Variants in PLOD1 observed in about 807,000 individuals in gnomAD.
The protein encoded by PLOD1 is procollagen-lysine,2-oxoglutarate 5-dioxygenase 1.
A neutral mutation model predicts 94.7 loss-of-function variants in PLOD1; 70 were observed. The observed-to-expected ratio is 0.74, with a 90% CI of 0.61 to 0.90. The LOEUF (loss-of-function observed/expected upper bound fraction) is 0.90. PLOD1 is among the 40% of genes least tolerant of loss of function. PLOD1 has a pLI of 0.00. For synonymous variants in PLOD1, 417 were observed against 400.2 expected, an observed-to-expected ratio of 1.04 and a Z score of -0.50; for missense variants, 905 against 972.7, an observed-to-expected ratio of 0.93 and a Z score of 0.93.
intron 6 of PLOD1, among the ~76,000 whole-genome samples, chr1:11,956,110 T>C (rs1200190804): frequency 6.6e-6 from 1 of 150,406 alleles, no homozygotes; most frequent in African/African-American, 2.4e-5. Flanking sequence ...AACATGGGTA[T>C]TGGGGGCCAG....
intron 1 of PLOD1, among the ~76,000 whole-genome samples, chr1:11,938,429 C>G (rs984479825): frequency 2.0e-5 from 3 of 152,054 alleles, no homozygotes; most frequent in African/African-American, 4.8e-5. Flanking sequence ...GGTGCTGTTG[C>G]CTGGAAATGC....
chr1:11,961,191 C>T (rs1402858881), intron 10 of PLOD1, among the ~76,000 whole-genome samples: 2 of 151,774 alleles, frequency 1.3e-5, no homozygotes, highest in African/African-American at 2.4e-5. Context: ...CAAGAGCAGC[C>T]TGGGCAACAT....
At chr1:11,966,374 A>G in intron 15 of PLOD1, 58 bp downstream of exon 15, 4 of 1,293,674 alleles carry the variant, frequency 3.1e-6, no homozygotes, top group Non-Finnish European at 2.2e-6. Context: ...GGCAGGGCAC[A>G]GAAGGGAAAC....
At position 11,974,785 on chromosome 1, in the gene PLOD1, G is replaced by A. The variant is rs781689639; in HGVS notation, c.2161G>A (p.Ala721Thr). The A allele has an allele frequency of 2.5e-6, 4 of 1,614,098 alleles. No homozygotes were observed. The highest frequency in any genetic ancestry group is 1.3e-5 in the African/African-American group (1 of 75,020). The change falls in exon 19 of 19, where the codon GCA becomes ACA. Residue 721 changes from alanine (A) to threonine (T), a missense_variant. Coordinates refer to ENST00000196061, the MANE Select transcript of PLOD1 (RefSeq NM_000302.4). ...LPTTRGTRYI[A>T]VSFVDP ...CACCACCAGGGGCACCCGCTACATC[G>A]CAGTCTCCTTCGTCGATCCCTAATT...
Position 11,957,960 on chromosome 1 carries a change from G to T in PLOD1, c.843+17G>T, listed in dbSNP as rs201244598. 1 of 1,543,542 alleles carries T rather than the reference G, an allele frequency of 6.5e-7. No individual in the cohort carries two copies. The highest frequency in any genetic ancestry group is 1.1e-5 in the South Asian group (1 of 89,648). The stretch of plus-strand genomic sequence containing the variant: ...GGCATTGGGGTGAGGCTGCGCCCAG[G>T]CCTGTGCCTGAGGGACACGGGGGGC... On this transcript the variant is annotated intron_variant, in intron 8 of 18. Transcript: ENST00000196061. This position sits in a 1 kb window ranked among gnomAD's most constrained non-coding sequence, Gnocchi z 4.1.
chr1:11,954,310 C>CA (rs754503001), intron 5 of PLOD1: 9,656 of 160,360 alleles, frequency 0.06, 237 homozygotes, highest in East Asian at 0.082. Context: ...CCATCTCTAG[C>CA]AAAAAAAAAA....
In PLOD1 at chr1:11,946,979, C is replaced by T. The variant is rs1645659416; in HGVS notation, c.77-997C>T. On this transcript the variant is annotated intron_variant, in intron 1 of 18. Coordinates refer to ENST00000196061, the MANE Select transcript of PLOD1 (RefSeq NM_000302.4). ...GAAGTGCAAGGCTCTTTTAAACAAC[C>T]AGCTCTCTGCTGGGCACGGTGGCTC... Among the ~76,000 whole-genome samples, 3 of 152,108 alleles carry T rather than the reference C, an allele frequency of 2.0e-5. No individual in the cohort carries two copies. In the South Asian group the frequency reaches 6.2e-4, roughly 32 times the overall value.
intron 4 of PLOD1, among the ~76,000 whole-genome samples, chr1:11,951,621 T>TTA (rs904579124): frequency 2.7e-5 from 4 of 146,220 alleles, no homozygotes; most frequent in Admixed American, 6.9e-5. Context: ...ATATAATAAT[T>TTA]TATATAATAT....
At chr1:11,939,633 A>G (rs1486197383) in intron 1 of PLOD1, among the ~76,000 whole-genome samples, 1 of 151,750 alleles carries the variant, frequency 6.6e-6, no homozygotes, top group Admixed American at 6.6e-5. Context: ...TTTTTTTGAG[A>G]TGGAGTCTCG....
At position 11,958,994 on chromosome 1, in the gene PLOD1, C is replaced by T. The variant is rs139198942; in HGVS notation, c.975+347C>T. Among the ~76,000 whole-genome samples, 181 of 152,198 alleles carry T rather than the reference C, an allele frequency of 1.2e-3. 1 individual carries two copies. The highest frequency in any genetic ancestry group is 3.9e-3 in the African/African-American group (162 of 41,508). On this transcript the variant is annotated intron_variant, in intron 9 of 18. Coordinates refer to ENST00000196061, the MANE Select transcript of PLOD1 (RefSeq NM_000302.4). The surrounding 1 kb of genome is among the most constrained non-coding windows in gnomAD (Gnocchi z 4.3). ...CCCAGGTGGGCAGATTATCTGAGGT[C>T]GGGAGTTCGAGACTAGCCTGACCAA...
At chr1:11,965,678 A>G in intron 14 of PLOD1, 85 bp downstream of exon 14, 2 of 856,726 alleles carry the variant, frequency 2.3e-6, no homozygotes, top group Non-Finnish European at 2.0e-6. Context: ...TCAGAGTCTT[A>G]CAACAGCCAG....
chr1:11,954,715 C>T (rs549270385), intron 5 of PLOD1, 115 bp from the exon 6 acceptor site: 16 of 839,126 alleles, frequency 1.9e-5, no homozygotes, highest in African/African-American at 1.0e-4. Context: ...GTGGCAGAGT[C>T]GGTGTGGGGA....
rs368557643 is a variant in PLOD1 at position 11,952,773 on chromosome 1, G to A, written c.579+38G>A. The A allele has an allele frequency of 5.6e-6, 8 of 1,426,060 alleles. 1 individual carries two copies. Among genetic ancestry groups the A allele is most frequent in the South Asian group, 2.3e-5 (2 of 87,172 alleles). 88.3% of individuals were successfully genotyped at this position (1,426,060 alleles called of 1,614,324 possible). ...GGGCGGGCCAAGGAGAGGGGGCTGG[G>A]GATCCACCGGCCAGGCTGCACGGGA... On this transcript the variant is annotated intron_variant, in intron 5 of 18. Coordinates refer to ENST00000196061, the MANE Select transcript of PLOD1 (RefSeq NM_000302.4).
Position 11,935,596 on chromosome 1 carries a change from C to A in PLOD1, c.76+741C>A, listed in dbSNP as rs550738568. ...GAACGCAGTATGCGATCTCGGCTTA[C>A]TGCAACCTCTGCCTCCCAGGTAAAA... is the stretch of plus-strand genomic sequence containing the variant. On this transcript the variant is annotated intron_variant, in intron 1 of 18. Coordinates refer to ENST00000196061, the MANE Select transcript of PLOD1 (RefSeq NM_000302.4). 4.0e-5 allele frequency among the ~76,000 whole-genome samples: 6 copies of A among 150,316 alleles called. 1 individual carries two copies. The highest frequency in any genetic ancestry group is 1.5e-4 in the African/African-American group (6 of 41,002).
chr1:11,954,565 T>G, intron 5 of PLOD1: 47 of 706,006 alleles, frequency 6.7e-5, no homozygotes, highest in Non-Finnish European at 8.6e-5. Context: ...ACGGCCGTCA[T>G]TGTTGTAGGT....
In PLOD1 at chr1:11,951,302, A is replaced by C. The variant is rs562000875; in HGVS notation, c.466+782A>C. ...AATCCAAGGCCAGGCGCGGTGGCTC[A>C]CGCCTGTAATGTCAGCACTTTGGGA... is the stretch of plus-strand genomic sequence containing the variant. On this transcript the variant is annotated intron_variant, in intron 4 of 18. Transcript: ENST00000196061. 3.0e-3 allele frequency among the ~76,000 whole-genome samples: 454 copies of C among 152,038 alleles called. 1 individual carries two copies. Among genetic ancestry groups the C allele is most frequent in the African/African-American group, 0.01 (434 of 41,510 alleles).
intron 17 of PLOD1, chr1:11,971,414 G>T (rs890175543): frequency 2.2e-4 from 40 of 180,100 alleles, no homozygotes; most frequent in Non-Finnish European, 4.7e-4. Context: ...GTAGCGTGTG[G>T]GAAGACAGGG....
chr1:11,960,056 G>A (rs370517850), intron 9 of PLOD1, among the ~76,000 whole-genome samples: 70 of 147,156 alleles, frequency 4.8e-4, no homozygotes, highest in African/African-American at 1.6e-3. Flanking sequence ...TGCAACCTCC[G>A]CCTCCCGGGT....
In PLOD1 at chr1:11,966,280, C is replaced by A; in HGVS notation, c.1614C>A (p.Asn538Lys). 6.2e-7 allele frequency: 1 copy of A among 1,608,162 alleles called. No homozygotes were observed. Among genetic ancestry groups the A allele is most frequent in the South Asian group, 1.1e-5 (1 of 89,760 alleles). Reference sequence around the variant, plus strand: ...GGAAGGAGAAGTACATCCACCAGAACTACACCAAAGCCCTGGCAGGGAAGC... The same window carrying A: ...GGAAGGAGAAGTACATCCACCAGAAATACACCAAAGCCCTGGCAGGGAAGC... ...EDWKEKYIHQNYTKALAGKLV... is the reference protein window; with the variant it reads ...EDWKEKYIHQKYTKALAGKLV... The change falls in exon 15 of 19, where the codon AAC becomes AAA. Residue 538 changes from asparagine (N) to lysine (K), a missense_variant. By Grantham distance (94) the Asn-to-Lys change is moderately conservative. Coordinates refer to ENST00000196061, the MANE Select transcript of PLOD1 (RefSeq NM_000302.4).
Sources: gnomAD v4.1 joint callset for allele counts (sites outside exome capture counted in the v4.1 genomes callset) on GRCh38, gnomAD v4.1.1 for gene constraint, Gnocchi (gnomAD v3.1) non-coding constraint, MANE v1.5 for transcripts, NCBI Gene and HGNC (gene_info 2026-07-23, HGNC 2026-07-21) for gene names.